Variants in SHQ1 observed in about 807,000 individuals in gnomAD.
SHQ1 encodes the protein protein SHQ1 homolog.
Under a neutral mutation model 53.8 loss-of-function variants are expected in SHQ1, and 49 were observed. The ratio of observed to expected loss-of-function variants is 0.91; its 90% CI spans 0.72 to 1.16. SHQ1 has a LOEUF of 1.16. Among genes scored for constraint, SHQ1 ranks in the 50% most tolerant of loss-of-function variants. The pLI is 0.00. For missense variants in SHQ1, 738 were observed against 683.1 expected (o/e 1.08, Z -0.90); for synonymous variants, 243 against 251.0 (o/e 0.97, Z 0.30).
chr3:72,800,303 A>C (rs1322487279), intron 9 of SHQ1, among the ~76,000 whole-genome samples: 1 of 152,232 alleles, frequency 6.6e-6, no homozygotes, highest in Non-Finnish European at 1.5e-5. Flanking sequence ...GTATTCTGTT[A>C]CAGCAGCACG....
chr3:72,813,488 G>T (rs1352962889), intron 8 of SHQ1, among the ~76,000 whole-genome samples: 1 of 142,778 alleles, frequency 7.0e-6, no homozygotes, highest in East Asian at 2.1e-4. Context: ...AAAAAAGGCC[G>T]GGTGCGGTGG....
intron 9 of SHQ1, among the ~76,000 whole-genome samples, chr3:72,810,500 C>T (rs776854907): frequency 1.6e-4 from 25 of 152,134 alleles, no homozygotes; most frequent in Non-Finnish European, 2.6e-4. Context: ...AAGCTCATTC[C>T]ATTTAAGATC....
chr3:72,774,616 T>C (rs957489413), intron 10 of SHQ1, among the ~76,000 whole-genome samples: 1 of 152,140 alleles, frequency 6.6e-6, no homozygotes, highest in South Asian at 2.1e-4. Flanking sequence ...GAAACAGTAA[T>C]GAAAATTCAG....
intron 10 of SHQ1, among the ~76,000 whole-genome samples, chr3:72,771,744 AG>A (rs1705856617): frequency 6.6e-6 from 1 of 152,254 alleles, no homozygotes; most frequent in Non-Finnish European, 1.5e-5. Flanking sequence ...AAGGCAGAAG[AG>A]GTTGATCGGG....
At chr3:72,841,989 G>A (rs574273745) in intron 3 of SHQ1, among the ~76,000 whole-genome samples, 48 of 152,250 alleles carry the variant, frequency 3.2e-4, no homozygotes, top group Middle Eastern at 3.4e-3. Context: ...CCTGTTTTAC[G>A]TAACTCACTT....
At chr3:72,803,168 C>T (rs1013166189) in intron 9 of SHQ1, among the ~76,000 whole-genome samples, 1 of 152,200 alleles carries the variant, frequency 6.6e-6, no homozygotes, top group African/African-American at 2.4e-5. Flanking sequence ...CTCAGACATG[C>T]TATGGCTCTT....
Position 72,809,873 on chromosome 3 carries a change from T to A in SHQ1, c.1060+2798A>T, listed in dbSNP as rs187766839. 1.6e-3 allele frequency: 238 copies of A among 152,170 alleles called. 2 individuals are homozygous for A. Among genetic ancestry groups the A allele is most frequent in the Non-Finnish European group, 1.7e-3 (117 of 68,068 alleles). 9.4% of individuals were successfully genotyped at this position (152,170 alleles called of 1,614,324 possible). ...ACTTGGGAGGCTGGGGCATGAGAAT[T>A]TCTTGAACCCAGGAAGCGGAGGTTG... is the stretch of plus-strand genomic sequence containing the variant. On this transcript the variant is annotated intron_variant, in intron 9 of 10. Transcript: ENST00000325599.
chr3:72,754,098 C>T (rs1705448397), intron 10 of SHQ1, among the ~76,000 whole-genome samples: 1 of 152,212 alleles, frequency 6.6e-6, no homozygotes, highest in Admixed American at 6.5e-5. Context: ...TTTTAATTGT[C>T]ATGACAAATA....
At chr3:72,838,293 A>G (rs992184642) in intron 4 of SHQ1, among the ~76,000 whole-genome samples, 4 of 152,242 alleles carry the variant, frequency 2.6e-5, no homozygotes, top group Non-Finnish European at 5.9e-5. Flanking sequence ...AACCTGTACT[A>G]CAAGTAGTAT....
chr3:72,837,957 G>A (rs77407285), intron 4 of SHQ1, among the ~76,000 whole-genome samples: 1 of 130,454 alleles, frequency 7.7e-6, no homozygotes, highest in Non-Finnish European at 1.6e-5. Flanking sequence ...GCTTACACTT[G>A]ATTTCTAAGT....
intron 7 of SHQ1, among the ~76,000 whole-genome samples, chr3:72,817,022 C>A (rs1373304566): frequency 6.6e-6 from 1 of 152,140 alleles, no homozygotes; most frequent in Non-Finnish European, 1.5e-5. Flanking sequence ...GAGACTAATG[C>A]CAAGAGAAAA....
At chr3:72,843,834 G>T (rs150480605) in intron 2 of SHQ1, among the ~76,000 whole-genome samples, 1 of 151,290 alleles carries the variant, frequency 6.6e-6, no homozygotes, top group East Asian at 2.0e-4. Flanking sequence ...TTCTAAATCC[G>T]ATGACAAAGG....
intron 4 of SHQ1, among the ~76,000 whole-genome samples, chr3:72,837,863 T>C (rs1357917813): frequency 3.3e-5 from 5 of 152,254 alleles, no homozygotes; most frequent in Non-Finnish European, 7.3e-5. Context: ...TAACCAATTA[T>C]GCAAGATTTC....
chr3:72,777,991 G>A (rs1268992125), intron 10 of SHQ1, among the ~76,000 whole-genome samples: 1 of 152,094 alleles, frequency 6.6e-6, no homozygotes, highest in Non-Finnish European at 1.5e-5. Flanking sequence ...AAGTCCAAAA[G>A]AAAGCAAAGC....
the SHQ1 span, among the ~76,000 whole-genome samples, chr3:72,725,688 C>T: frequency 3.1e-3 from 474 of 152,300 alleles, 6 homozygotes; most frequent in African/African-American, 0.011. Flanking sequence ...AGCACAGTGC[C>T]TGGGACACCG....
chr3:72,777,884 C>T lies in SHQ1; in HGVS notation c.1181+15032G>A, dbSNP rs565672168. Among the ~76,000 whole-genome samples, 6 of 152,250 alleles carry T rather than the reference C, an allele frequency of 3.9e-5. No homozygotes were observed. The South Asian group carries it at 1.0e-3, about 26-fold the overall frequency. On this transcript the variant is annotated intron_variant, in intron 10 of 10. Transcript: ENST00000325599. ...AGTACACTGCAGGACAGAAAAGAAC[C>T]ATCTACAACTCTATGCATCATCATG...
chr3:72,751,534 A>T (rs987616868), intron 10 of SHQ1, among the ~76,000 whole-genome samples: 2 of 142,772 alleles, frequency 1.4e-5, no homozygotes, highest in Non-Finnish European at 3.0e-5. Context: ...ATATATACAT[A>T]TACATACACT....
At chr3:72,794,295 A>G (rs1706533316) in intron 9 of SHQ1, 1 of 152,210 alleles carries the variant, frequency 6.6e-6, no homozygotes, top group African/African-American at 2.4e-5. Context: ...AAATTTTTTA[A>G]CATAATTAAC....
chr3:72,726,283 G>A, the SHQ1 span, among the ~76,000 whole-genome samples: 4 of 152,196 alleles, frequency 2.6e-5, no homozygotes, highest in African/African-American at 7.2e-5. Context: ...TCCCAGGCAA[G>A]TGGGAAAAGC....
Sources: gnomAD v4.1 joint callset for allele counts (sites outside exome capture counted in the v4.1 genomes callset) on GRCh38, gnomAD v4.1.1 for gene constraint, MANE v1.5 for transcripts, NCBI Gene and HGNC (gene_info 2026-07-23, HGNC 2026-07-21) for gene names.